ZNF326: variants seen among roughly 807,000 people sequenced by gnomAD.
The protein encoded by ZNF326 is zinc finger protein 326.
A neutral mutation model predicts 63.1 loss-of-function variants in ZNF326; 30 were observed. The observed-to-expected ratio is 0.48, with a 90% confidence interval of 0.36 to 0.64. The LOEUF is 0.64. ZNF326 is among the 30% of genes least tolerant of loss of function. The pLI, the probability that ZNF326 is intolerant of heterozygous loss-of-function variation, is 0.00. For missense variants in ZNF326, 609 were observed against 720.3 expected (o/e 0.85, Z 1.77); for synonymous variants, 194 against 228.2 (o/e 0.85, Z 1.35).
At chr1:90,018,424 A>G (rs1220896503) in intron 8 of ZNF326, among the ~76,000 whole-genome samples, 1 of 151,930 alleles carries the variant, frequency 6.6e-6, no homozygotes, top group Non-Finnish European at 1.5e-5. Flanking sequence ...ATACCCACCT[A>G]CTCTGGAAGA....
chr1:90,004,662 G>A (rs999695469), intron 2 of ZNF326, among the ~76,000 whole-genome samples: 2 of 152,056 alleles, frequency 1.3e-5, no homozygotes, highest in Non-Finnish European at 2.9e-5. Context: ...ACCAGCCTGG[G>A]CAACACGGTG....
intron 11 of ZNF326, 137 bp downstream of exon 11, chr1:90,022,482 G>GA: frequency 1.5e-6 from 1 of 646,306 alleles, no homozygotes; most frequent in Non-Finnish European, 2.7e-6. Flanking sequence ...TTGCATATAG[G>GA]TAAAACATCT....
chr1:90,035,213 T>C lies in ZNF326; in HGVS notation c.*7512T>C, dbSNP rs1012695122. 3.3e-5 allele frequency: 5 copies of C among 152,118 alleles called. No individual in the cohort carries two copies. Among genetic ancestry groups the C allele is most frequent in the African/African-American group, 4.8e-5 (2 of 41,410 alleles). 9.4% of individuals were successfully genotyped at this position (152,118 alleles called of 1,614,324 possible). ...GCAACAATCATTTAACCCTAAGAAA[T>C]AGAAGTATTAGGAAGAGAAAACATA... On this transcript the variant is annotated 3_prime_UTR_variant, in exon 12 of 12. Transcript: ENST00000340281.
At chr1:89,995,403 C>T in intron 1 of ZNF326, 130 bp downstream of exon 1, 2 of 1,246,614 alleles carry the variant, frequency 1.6e-6, no homozygotes, top group Non-Finnish European at 2.1e-6. Flanking sequence ...CCGCCCGCCC[C>T]GGGCCCAGCG....
chr1:90,006,047 A>T, intron 4 of ZNF326: 1 of 985,418 alleles, frequency 1.0e-6, no homozygotes, highest in Non-Finnish European at 1.2e-6. Flanking sequence ...TAGACATGTG[A>T]AACAGTCATC....
rs1417378466 is a variant in ZNF326 at position 90,027,511 on chromosome 1, AAGT to A, written c.1562_1564del (p.Val521del). On this transcript the variant is annotated inframe_deletion, in exon 12 of 12. Coordinates refer to ENST00000340281, the MANE Select transcript of ZNF326 (RefSeq NM_182976.4). ...GTGGGGGAAGTAGAGGAAGTGGAAG[AAGT>A]AGAGGAAGTGAGAGAAGGAGGAATA... The A allele has an allele frequency of 5.0e-6, 8 of 1,612,592 alleles. No individual in the cohort carries two copies. The highest frequency in any genetic ancestry group is 2.2e-5 in the East Asian group (1 of 44,826).
chr1:90,001,469 G>C (rs1648674315), intron 2 of ZNF326, among the ~76,000 whole-genome samples: 1 of 152,148 alleles, frequency 6.6e-6, no homozygotes, highest in South Asian at 2.1e-4. Context: ...GTAGTAGGGT[G>C]CTGGTAGTGT....
rs1262728573 is a variant in ZNF326, at chr1:90,017,372, G to C, written c.982G>C (p.Glu328Gln). The C allele has an allele frequency of 1.2e-6, 2 of 1,606,428 alleles. No individual in the cohort carries two copies. Among genetic ancestry groups the C allele is most frequent in the Non-Finnish European group, 1.7e-6 (2 of 1,177,540 alleles). ...TCGAACATTTGAAGAAAAAGATATT[G>C]AACTGCATCTGGAAAGTTCTTCACA... ...KFRTFEEKDI[E>Q]LHLESSSHQE... Residue 328 changes from glutamate (E) to glutamine (Q), a missense_variant, in exon 8 of 12, where the codon GAA (glutamate) becomes CAA (glutamine). This residue lies in a region of ZNF326 where 399 missense variants were observed against 444.3 expected (regional missense o/e 0.90). Coordinates refer to ENST00000340281, the MANE Select transcript of ZNF326 (RefSeq NM_182976.4).
intron 2 of ZNF326, among the ~76,000 whole-genome samples, chr1:90,002,028 A>G (rs967621637): frequency 2.0e-5 from 3 of 152,222 alleles, no homozygotes; most frequent in African/African-American, 4.8e-5. Flanking sequence ...GTAAATTACT[A>G]TCATTTAAGA....
intron 7 of ZNF326, among the ~76,000 whole-genome samples, chr1:90,016,916 G>A (rs1649529735): frequency 6.6e-6 from 1 of 152,190 alleles, no homozygotes; most frequent in African/African-American, 2.4e-5. Context: ...GTCTGGTGGT[G>A]TGCCACCTTG....
chr1:89,995,751 C>G (rs905047525), intron 1 of ZNF326, among the ~76,000 whole-genome samples: 3 of 152,232 alleles, frequency 2.0e-5, no homozygotes, highest in African/African-American at 7.2e-5. Context: ...AGTGATGTTT[C>G]TGTTTGTCCC....
In ZNF326 at chr1:90,005,162, T is replaced by A. The variant is rs1234133348; in HGVS notation, c.127T>A (p.Tyr43Asn). The A allele has an allele frequency of 6.2e-7, 1 of 1,613,928 alleles. No individual in the cohort carries two copies. Among genetic ancestry groups the A allele is most frequent in the Non-Finnish European group, 8.5e-7 (1 of 1,179,962 alleles). The part of the protein sequence containing the change: ...GMDRDYGHGS[Y>N]GGQRSMDSYL... ...GGATCGTGACTATGGCCATGGATCCTATGGGGGTCAGAGATCCATGGATTC... is the reference window on the plus strand; with the variant it reads ...GGATCGTGACTATGGCCATGGATCCAATGGGGGTCAGAGATCCATGGATTC... Residue 43 changes from tyrosine (Y) to asparagine (N), a missense_variant, in exon 4 of 12, where the codon TAT (tyrosine) becomes AAT (asparagine). Tyr to Asn is a moderately radical substitution (Grantham distance 143). This residue lies in a region of ZNF326 where 97 missense variants were observed against 88.7 expected (regional missense o/e 1.09). Coordinates refer to ENST00000340281, the MANE Select transcript of ZNF326 (RefSeq NM_182976.4).
chr1:90,019,248 C>T (rs898821253), intron 9 of ZNF326, among the ~76,000 whole-genome samples: 1 of 152,140 alleles, frequency 6.6e-6, no homozygotes, highest in Non-Finnish European at 1.5e-5. Flanking sequence ...GAAAAACAGA[C>T]ACTAGTTCTC....
intron 7 of ZNF326, among the ~76,000 whole-genome samples, chr1:90,016,493 A>G (rs1649509268): frequency 6.6e-6 from 1 of 152,158 alleles, no homozygotes. Context: ...AGGCAGGCAG[A>G]TCACCTGAGG....
intron 2 of ZNF326, among the ~76,000 whole-genome samples, chr1:90,003,654 C>T (rs1215623212): frequency 6.6e-6 from 1 of 152,118 alleles, no homozygotes; most frequent in African/African-American, 2.4e-5. Flanking sequence ...TAGAAAGTTT[C>T]AATAAGCTGA....
chr1:90,005,420 TG>T, intron 4 of ZNF326, 176 bp downstream of exon 4: 3 of 1,336,930 alleles, frequency 2.2e-6, no homozygotes, highest in Non-Finnish European at 2.9e-6. Context: ...TCAGTATTAC[TG>T]GCAGACGTTA....
intron 1 of ZNF326, 61 bp from the exon 2 acceptor site, chr1:89,998,049 T>A: frequency 2.7e-6 from 4 of 1,471,054 alleles, no homozygotes; most frequent in Non-Finnish European, 3.8e-6. Flanking sequence ...TGGATCGGCA[T>A]ATAATTTTGA....
intron 9 of ZNF326, among the ~76,000 whole-genome samples, 159 bp from the exon 10 acceptor site, chr1:90,020,632 AT>A (rs1336490388): frequency 6.6e-6 from 1 of 152,094 alleles, no homozygotes; most frequent in Non-Finnish European, 1.5e-5. Context: ...ACATATGTAG[AT>A]TTATGAGATG....
At chr1:90,022,372 C>A in intron 11 of ZNF326, 27 bp downstream of exon 11, 2 of 1,520,386 alleles carry the variant, frequency 1.3e-6, no homozygotes, top group South Asian at 1.1e-5. Flanking sequence ...AAAACCTTTT[C>A]AATAATATTG....
Sources: gnomAD v4.1 joint callset for allele counts (sites outside exome capture counted in the v4.1 genomes callset) on GRCh38, gnomAD v4.1.1 for gene constraint, gnomAD v4.1.1 regional missense constraint, MANE v1.5 for transcripts, NCBI Gene and HGNC (gene_info 2026-07-23, HGNC 2026-07-21) for gene names.